Variants in PIK3CB observed in about 807,000 individuals in gnomAD.
PIK3CB encodes phosphatidylinositol 4,5-bisphosphate 3-kinase catalytic subunit beta isoform.
PIK3CB carries 39 observed loss-of-function variants against 136.8 expected under a neutral mutation model. The observed-to-expected ratio is 0.29, with a 90% CI of 0.22 to 0.37. PIK3CB has a LOEUF of 0.37. Ranked by LOEUF, PIK3CB falls within the 10% of genes least tolerant of loss-of-function variation. The pLI, the probability that PIK3CB is intolerant of heterozygous loss-of-function variation, is 1.00. For missense variants in PIK3CB, 868 were observed against 1,275.4 expected (o/e 0.68, Z 4.87); for synonymous variants, 428 against 436.6 (o/e 0.98, Z 0.25).
chr3:138,737,998 G>T, intron 5 of PIK3CB, 112 bp from the exon 6 acceptor site: 1 of 532,916 alleles, frequency 1.9e-6, no homozygotes, highest in South Asian at 4.1e-5. Flanking sequence ...TATTTATATG[G>T]GTACATCCTT....
chr3:138,787,813 G>T (rs2045998679), intron 2 of PIK3CB, among the ~76,000 whole-genome samples: 1 of 150,722 alleles, frequency 6.6e-6, no homozygotes, highest in Non-Finnish European at 1.5e-5. Context: ...ACACAGCCAA[G>T]TAACATGGAC....
At chr3:138,833,863 G>A (rs9647336) in intron 1 of PIK3CB, among the ~76,000 whole-genome samples, 61,374 of 152,024 alleles carry the variant, frequency 0.4, 13,170 homozygotes, top group Middle Eastern at 0.47. Flanking sequence ...CATTTCAGCA[G>A]TAATTCCCAC....
chr3:138,729,513 T>C (rs2044923093), intron 8 of PIK3CB, among the ~76,000 whole-genome samples: 1 of 152,202 alleles, frequency 6.6e-6, no homozygotes, highest in South Asian at 2.1e-4. Context: ...GCTGAATACC[T>C]GAAGAGAACA....
rs1342187455 is a variant in PIK3CB, at chr3:138,714,461, T to C, written c.1302+7A>G. 12 of 1,588,646 alleles carry C rather than the reference T, an allele frequency of 7.6e-6. No individual in the cohort carries two copies. Among genetic ancestry groups the C allele is most frequent in the Non-Finnish European group, 1.0e-5 (12 of 1,161,200 alleles). ...AAAACAATCCTCAGAAGTTGGTATA[T>C]CATTACCACTTTTCCAGCTTTCCTG... On this transcript the variant is annotated splice_region_variant and intron_variant, in intron 9 of 23. Coordinates refer to ENST00000674063, the MANE Select transcript of PIK3CB (RefSeq NM_006219.3).
chr3:138,791,511 C>T (rs1163118655), intron 2 of PIK3CB, among the ~76,000 whole-genome samples: 2 of 152,124 alleles, frequency 1.3e-5, no homozygotes, highest in Non-Finnish European at 2.9e-5. Flanking sequence ...AACCTCACTC[C>T]TGGATCTGCA....
chr3:138,664,336 G>A (rs2043362660), intron 20 of PIK3CB, among the ~76,000 whole-genome samples: 1 of 152,128 alleles, frequency 6.6e-6, no homozygotes, highest in Non-Finnish European at 1.5e-5. Flanking sequence ...CCATGGCTTT[G>A]CTAGATCATG....
At chr3:138,707,096 T>C in intron 11 of PIK3CB, 63 bp downstream of exon 11, 1 of 1,008,224 alleles carries the variant, frequency 9.9e-7, no homozygotes. Context: ...GCTTAAACTA[T>C]ACATAGAGGA....
intron 13 of PIK3CB, 41 bp downstream of exon 13, chr3:138,698,866 C>G (rs780227493): frequency 7.7e-7 from 1 of 1,293,470 alleles, no homozygotes; most frequent in South Asian, 1.4e-5. Context: ...CAACCAAGTA[C>G]CATACACCCA....
intron 1 of PIK3CB, chr3:138,825,509 C>A: frequency 1.5e-6 from 1 of 681,934 alleles, no homozygotes; most frequent in African/African-American, 1.8e-5. Flanking sequence ...GACACAGTAG[C>A]ATTTGTGCCA....
At chr3:138,740,374 A>G (rs35926694) in intron 5 of PIK3CB, among the ~76,000 whole-genome samples, 63,440 of 151,752 alleles carry the variant, frequency 0.42, 14,134 homozygotes, top group Middle Eastern at 0.52. Flanking sequence ...AAACAGAACA[A>G]AACAAACAAA....
intron 1 of PIK3CB, among the ~76,000 whole-genome samples, chr3:138,830,356 T>A (rs1933971545): frequency 6.6e-6 from 1 of 151,614 alleles, no homozygotes; most frequent in African/African-American, 2.4e-5. Context: ...TCTAGACCAG[T>A]CTGGCCAATA....
chr3:138,699,385 G>A (rs1032792260), intron 12 of PIK3CB, among the ~76,000 whole-genome samples: 6 of 152,058 alleles, frequency 3.9e-5, no homozygotes, highest in African/African-American at 1.4e-4. Context: ...GGTGGCTCAC[G>A]CCTGTAATCC....
chr3:138,728,710 G>T (rs999477399), intron 8 of PIK3CB, among the ~76,000 whole-genome samples: 1 of 151,836 alleles, frequency 6.6e-6, no homozygotes, highest in Non-Finnish European at 1.5e-5. Context: ...AACCCGGGAG[G>T]GGGAGCTTGC....
chr3:138,764,066 G>A (rs963038921), intron 2 of PIK3CB, among the ~76,000 whole-genome samples: 1 of 147,886 alleles, frequency 6.8e-6, no homozygotes, highest in Non-Finnish European at 1.5e-5. Flanking sequence ...AGCCGAGATC[G>A]CACCACTGCA....
chr3:138,781,405 G>A (rs1305205454), intron 2 of PIK3CB, among the ~76,000 whole-genome samples: 3 of 151,988 alleles, frequency 2.0e-5, no homozygotes, highest in African/African-American at 2.4e-5. Flanking sequence ...CTTGAGCCCA[G>A]GAGTTTGAAG....
In PIK3CB at chr3:138,718,001, T is replaced by C. The variant is rs60528010; in HGVS notation, c.1051-3282A>G. On this transcript the variant is annotated intron_variant, in intron 8 of 23. Transcript: ENST00000674063. ...AATAGTGCTGCAATGAACATTCGCA[T>C]GCATGTGTCTTTATGCTAGAATGAT... is the stretch of plus-strand genomic sequence containing the variant. Among the ~76,000 whole-genome samples the C allele has an allele frequency of 8.5e-3, 1,299 of 152,350 alleles. 24 individuals carry two copies. The highest frequency in any genetic ancestry group is 0.028 in the African/African-American group (1,177 of 41,574).
In PIK3CB at chr3:138,665,169, G is replaced by A. The variant is rs759151757; in HGVS notation, c.2539C>T (p.Arg847Cys). ...CTCACAACTTCAATGAGGCCAGAGCGATCTCCTGTTGCTAAACAGCCATAA... is the reference window on the plus strand; with the variant it reads ...CTCACAACTTCAATGAGGCCAGAGCAATCTCCTGTTGCTAAACAGCCATAA... ...LPYGCLATGD[R>C]SGLIEVVSTS... The change falls in exon 20 of 24, where the codon CGC (arginine) becomes TGC (cysteine). Residue 847 changes from arginine (R) to cysteine (C), a missense_variant. Transcript: ENST00000674063. 22 of 1,607,356 alleles carry A rather than the reference G, an allele frequency of 1.4e-5. No homozygotes were observed. Among genetic ancestry groups the A allele is most frequent in the East Asian group, 6.7e-5 (3 of 44,718 alleles).
At chr3:138,726,174 A>C (rs1442259692) in intron 8 of PIK3CB, among the ~76,000 whole-genome samples, 1 of 152,214 alleles carries the variant, frequency 6.6e-6, no homozygotes, top group African/African-American at 2.4e-5. Context: ...TCAGTTCTCA[A>C]AGTATGTAGA....
At chr3:138,705,101 T>A (rs558329310) in intron 11 of PIK3CB, among the ~76,000 whole-genome samples, 1 of 136,022 alleles carries the variant, frequency 7.4e-6, no homozygotes, top group East Asian at 2.4e-4. Context: ...AAGACTAAAA[T>A]CTCTATCCCA....
Sources: allele counts gnomAD v4.1 joint callset (sites outside exome capture counted in the v4.1 genomes callset), GRCh38; gene constraint gnomAD v4.1.1; transcripts MANE v1.5; gene names NCBI Gene and HGNC (gene_info 2026-07-23, HGNC 2026-07-21).